Variants in ADCY5 observed in about 807,000 individuals in gnomAD.
ADCY5 encodes adenylate cyclase 5, also known as adenylate cyclase type 5.
ADCY5 carries 30 observed loss-of-function variants against 119.7 expected under a neutral mutation model. The ratio of observed to expected loss-of-function variants is 0.25; its 90% confidence interval spans 0.19 to 0.34. The LOEUF is 0.34. Among genes scored for constraint, ADCY5 ranks in the 10% least tolerant of loss-of-function variants. The pLI is 1.00. For synonymous variants in ADCY5, 753 were observed against 762.2 expected (o/e 0.99, Z 0.20); for missense variants, 1,324 against 1,775.2 (o/e 0.75, Z 4.57).
chr3:123,308,086 T>G (rs1940305365), intron 12 of ADCY5, among the ~76,000 whole-genome samples: 1 of 137,086 alleles, frequency 7.3e-6, no homozygotes, highest in Admixed American at 8.5e-5. Context: ...CAGGCTGGAG[T>G]GCAGTGGCAT....
Position 123,448,607 on chromosome 3 carries a change from G to A in ADCY5, c.-62C>T, listed in dbSNP as rs1945874788. On this transcript the variant is annotated 5_prime_UTR_variant, in exon 1 of 21. Coordinates refer to ENST00000462833, the MANE Select transcript of ADCY5 (RefSeq NM_183357.3). ...CGGAAGCCGGGCCGGGGGTCTCCAAGGGGAGGGCGGACGGCCGAGCAGGGG... is the reference window on the plus strand; with the variant it reads ...CGGAAGCCGGGCCGGGGGTCTCCAAAGGGAGGGCGGACGGCCGAGCAGGGG... The A allele has an allele frequency of 7.9e-7, 1 of 1,258,482 alleles. No individual in the cohort carries two copies. Among genetic ancestry groups the A allele is most frequent in the Non-Finnish European group, 1.0e-6 (1 of 1,002,664 alleles). 78.0% of individuals were successfully genotyped at this position (1,258,482 alleles called of 1,614,324 possible). A position where few individuals can be genotyped will look rare whatever the true frequency, so the allele number is the denominator to read the frequency against.
chr3:123,387,591 T>C (rs1032970698), intron 1 of ADCY5, among the ~76,000 whole-genome samples: 3 of 152,198 alleles, frequency 2.0e-5, no homozygotes, highest in Non-Finnish European at 4.4e-5. Flanking sequence ...TAGGAGGACA[T>C]TCATCCTGAC....
intron 1 of ADCY5, among the ~76,000 whole-genome samples, chr3:123,428,159 A>T (rs924046550): frequency 7.2e-5 from 11 of 152,194 alleles, no homozygotes; most frequent in Non-Finnish European, 1.5e-4. Flanking sequence ...TTTTGTCCCC[A>T]TAGCACTCCC....
Position 123,364,136 on chromosome 3 carries a change from T to C in ADCY5, c.1135-11555A>G, listed in dbSNP as rs966762017. ...GGAGTATCTCTAGGTGGTGGGATGATAAGTGCTTTTTTACTTTTTTTCTTT... is the reference window on the plus strand; with the variant it reads ...GGAGTATCTCTAGGTGGTGGGATGACAAGTGCTTTTTTACTTTTTTTCTTT... On this transcript the variant is annotated intron_variant, in intron 1 of 20. Transcript: ENST00000462833. Among the ~76,000 whole-genome samples the C allele has an allele frequency of 6.6e-5, 10 of 152,340 alleles. No homozygotes were observed. The South Asian group carries it at 2.1e-3, about 32-fold the overall frequency.
intron 1 of ADCY5, among the ~76,000 whole-genome samples, chr3:123,359,799 G>T (rs1296730422): frequency 6.6e-6 from 1 of 152,130 alleles, no homozygotes; most frequent in Non-Finnish European, 1.5e-5. Context: ...CTAGTCCTTT[G>T]TCGGTTTACA....
intron 7 of ADCY5, among the ~76,000 whole-genome samples, chr3:123,325,828 C>T (rs577557805): frequency 4.6e-5 from 7 of 152,230 alleles, no homozygotes; most frequent in East Asian, 1.9e-4. Flanking sequence ...GCCTAGGCTC[C>T]GAAAGGCCTG....
At chr3:123,335,908 G>A (rs764395873) in intron 3 of ADCY5, among the ~76,000 whole-genome samples, 9 of 152,226 alleles carry the variant, frequency 5.9e-5, no homozygotes, top group Non-Finnish European at 1.0e-4. Flanking sequence ...TGAGGTCAGA[G>A]TGGGAGAAAT....
At chr3:123,320,664 AGT>A (rs1370636091) in intron 9 of ADCY5, 83 bp downstream of exon 9, 1 of 1,531,410 alleles carries the variant, frequency 6.5e-7, no homozygotes, top group African/African-American at 1.4e-5. Context: ...TTTTCCATGG[AGT>A]GTGGAGAAAC....
chr3:123,316,546 G>A (rs891525272), intron 11 of ADCY5, among the ~76,000 whole-genome samples: 1 of 152,174 alleles, frequency 6.6e-6, no homozygotes, highest in Non-Finnish European at 1.5e-5. Flanking sequence ...ATCCCTCTCG[G>A]CTACTTTTGT....
At chr3:123,396,682 AAAAG>A (rs1411414093) in intron 1 of ADCY5, among the ~76,000 whole-genome samples, 2 of 143,746 alleles carry the variant, frequency 1.4e-5, no homozygotes, top group Admixed American at 6.8e-5. Context: ...AAATAAGAAC[AAAAG>A]AAAGAGAGAG....
chr3:123,431,139 T>C (rs1276547940), intron 1 of ADCY5, among the ~76,000 whole-genome samples: 1 of 152,184 alleles, frequency 6.6e-6, no homozygotes, highest in Non-Finnish European at 1.5e-5. Flanking sequence ...ACCTGTTGAG[T>C]AAACTGGAGC....
At chr3:123,394,640 C>T (rs1027020317) in intron 1 of ADCY5, among the ~76,000 whole-genome samples, 1 of 152,198 alleles carries the variant, frequency 6.6e-6, no homozygotes, top group African/African-American at 2.4e-5. Context: ...TGTGATAACA[C>T]TGAAAAGTGG....
At chr3:123,439,650 G>C (rs1388211816) in intron 1 of ADCY5, among the ~76,000 whole-genome samples, 2 of 152,048 alleles carry the variant, frequency 1.3e-5, no homozygotes, top group Non-Finnish European at 2.9e-5. Context: ...GTCTTGGGCT[G>C]TATCCCCCTT....
chr3:123,340,407 T>C lies in ADCY5; in HGVS notation c.1406+7375A>G, dbSNP rs546062063. On this transcript the variant is annotated intron_variant, in intron 3 of 20. Transcript: ENST00000462833. ...CCATCTTCATGATGTCTTCCTTGACTTACCCAAGCCCAGAATAATACTTCT... is the reference window on the plus strand; with the variant it reads ...CCATCTTCATGATGTCTTCCTTGACCTACCCAAGCCCAGAATAATACTTCT... Among the ~76,000 whole-genome samples, 3 of 152,366 alleles carry C rather than the reference T, an allele frequency of 2.0e-5. No homozygotes were observed. In the South Asian group the frequency reaches 6.2e-4, roughly 32 times the overall value.
At chr3:123,368,422 G>A (rs189058588) in intron 1 of ADCY5, among the ~76,000 whole-genome samples, 6 of 152,196 alleles carry the variant, frequency 3.9e-5, no homozygotes, top group African/African-American at 9.6e-5. Flanking sequence ...ATGGCGAAAC[G>A]CTGTCTCTAC....
chr3:123,330,774 AC>A lies in ADCY5; in HGVS notation c.1646+114del. ...AGCTTGGCTGGGCACCTTTTGGCAG[AC>A]AGTTTCACCCCACTGTTTCCCTGCC... On this transcript the variant is annotated intron_variant, in intron 5 of 20. Transcript: ENST00000462833. 5.1e-6 allele frequency: 7 copies of A among 1,384,082 alleles called. No homozygotes were observed. The South Asian group carries it at 7.6e-5, about 15-fold the overall frequency. The allele number at this position is 1,384,082 out of a possible 1,614,324, so 85.7% of individuals were successfully genotyped here. A position where few individuals can be genotyped will look rare whatever the true frequency, so the allele number is the denominator to read the frequency against.
At chr3:123,436,233 CATGGT>C (rs1448957464) in intron 1 of ADCY5, among the ~76,000 whole-genome samples, 1 of 151,844 alleles carries the variant, frequency 6.6e-6, no homozygotes, top group Non-Finnish European at 1.5e-5. Flanking sequence ...AATAGCTGGG[CATGGT>C]GTTGTGCACC....
At chr3:123,371,319 G>A (rs1943633194) in intron 1 of ADCY5, among the ~76,000 whole-genome samples, 1 of 152,228 alleles carries the variant, frequency 6.6e-6, no homozygotes, top group African/African-American at 2.4e-5. Context: ...CAAGGACTGT[G>A]TAAAGATTAA....
chr3:123,350,849 C>T (rs1374892169), intron 2 of ADCY5, among the ~76,000 whole-genome samples: 2 of 152,190 alleles, frequency 1.3e-5, no homozygotes, highest in Non-Finnish European at 2.9e-5. Context: ...AAGTGAGAGG[C>T]ACAGCCCCAA....
Sources: gnomAD v4.1 joint callset for allele counts (sites outside exome capture counted in the v4.1 genomes callset) on GRCh38, gnomAD v4.1.1 for gene constraint, MANE v1.5 for transcripts, NCBI Gene and HGNC (gene_info 2026-07-23, HGNC 2026-07-21) for gene names.